CA8: variants seen among roughly 807,000 people sequenced by gnomAD.
The protein encoded by CA8 is carbonic anhydrase 8 (inactive), also known as carbonic anhydrase-related protein.
In CA8, 22 loss-of-function variants were observed where a neutral mutation model predicts 41.4. The observed-to-expected ratio is 0.53, with a 90% CI of 0.38 to 0.76. The LOEUF (loss-of-function observed/expected upper bound fraction) is 0.76. CA8 is among the 30% of genes least tolerant of loss of function. The pLI, the probability that CA8 is intolerant of heterozygous loss-of-function variation, is 0.00. For synonymous variants in CA8, 121 were observed against 130.6 expected (o/e 0.93, Z 0.50); for missense variants, 270 against 352.8 (o/e 0.77, Z 1.88).
chr8:60,192,073 C>G (rs1319952565), intron 8 of CA8, among the ~76,000 whole-genome samples: 1 of 152,044 alleles, frequency 6.6e-6, no homozygotes, highest in African/African-American at 2.4e-5. Flanking sequence ...TTGAGCTTTT[C>G]TTACTTATAT....
intron 3 of CA8, among the ~76,000 whole-genome samples, chr8:60,243,344 T>A (rs749534302): frequency 6.6e-6 from 1 of 151,646 alleles, no homozygotes; most frequent in Non-Finnish European, 1.5e-5. Flanking sequence ...GGGTCTTTCA[T>A]CCACCAGCTC....
chr8:60,207,376 A>G (rs924395962), intron 8 of CA8, among the ~76,000 whole-genome samples: 1 of 152,214 alleles, frequency 6.6e-6, no homozygotes, highest in African/African-American at 2.4e-5. Flanking sequence ...ATTTCAACCC[A>G]GACTTGTTTT....
At chr8:60,221,940 G>A (rs552897783) in intron 7 of CA8, among the ~76,000 whole-genome samples, 11 of 152,328 alleles carry the variant, frequency 7.2e-5, no homozygotes, top group Admixed American at 1.3e-4. Context: ...TTTTGAGGTT[G>A]ATCATGGAAG....
At position 60,187,386 on chromosome 8, in the gene CA8, A is replaced by C. The variant is rs535516242; in HGVS notation, c.*2635T>G. The C allele has an allele frequency of 6.6e-6, 1 of 152,150 alleles. No homozygotes were observed. Among genetic ancestry groups the C allele is most frequent in the South Asian group, 2.1e-4 (1 of 4,834 alleles). The allele number at this position is 152,150 out of a possible 1,614,324, so 9.4% of individuals were successfully genotyped here. Reference sequence around the variant, plus strand: ...TTTATTCAAAAAAGAATTCAAATCAATAACCTAACCTTCCACCTTAAAATA... The same window carrying C: ...TTTATTCAAAAAAGAATTCAAATCACTAACCTAACCTTCCACCTTAAAATA... On this transcript the variant is annotated 3_prime_UTR_variant, in exon 9 of 9. Coordinates refer to ENST00000317995, the MANE Select transcript of CA8 (RefSeq NM_004056.6).
intron 3 of CA8, among the ~76,000 whole-genome samples, chr8:60,256,064 T>A (rs6983830): frequency 2.0e-5 from 3 of 151,338 alleles, no homozygotes; most frequent in Non-Finnish European, 4.4e-5. Flanking sequence ...CGTGCCTATA[T>A]GCCCGGCTAA....
At chr8:60,277,423 G>A (rs902666383) in intron 2 of CA8, among the ~76,000 whole-genome samples, 5 of 151,716 alleles carry the variant, frequency 3.3e-5, no homozygotes, top group Admixed American at 6.6e-5. Flanking sequence ...GCGCAATCTC[G>A]GCTCACTGCA....
intron 3 of CA8, among the ~76,000 whole-genome samples, chr8:60,251,838 A>T (rs992390242): frequency 6.6e-6 from 1 of 152,204 alleles, no homozygotes; most frequent in South Asian, 2.1e-4. Context: ...CCTACAAAGA[A>T]GGCTCAAATT....
intron 2 of CA8, among the ~76,000 whole-genome samples, chr8:60,277,946 G>A (rs1290351317): frequency 6.6e-6 from 1 of 152,154 alleles, no homozygotes; most frequent in Non-Finnish European, 1.5e-5. Flanking sequence ...TGGATCATGA[G>A]TATCCAAATC....
chr8:60,257,825 TTGCATTCTA>T (rs1563374609), intron 3 of CA8, among the ~76,000 whole-genome samples: 1 of 152,228 alleles, frequency 6.6e-6, no homozygotes, highest in African/African-American at 2.4e-5. Context: ...AACAATGTAT[TTGCATTCTA>T]AGAAATGTCT....
intron 7 of CA8, among the ~76,000 whole-genome samples, chr8:60,221,584 G>A (rs1383360086): frequency 6.6e-6 from 1 of 152,122 alleles, no homozygotes; most frequent in African/African-American, 2.4e-5. Context: ...ATCATGTGGA[G>A]AACAGTCTCT....
At chr8:60,196,832 G>C (rs1411486916) in intron 8 of CA8, among the ~76,000 whole-genome samples, 3 of 152,112 alleles carry the variant, frequency 2.0e-5, no homozygotes, top group African/African-American at 7.2e-5. Context: ...TACTAGTAAA[G>C]AGGGTCTTGT....
rs1806023291 is a variant in CA8, at chr8:60,188,491, G to C, written c.*1530C>G. 1 of 152,188 alleles carries C rather than the reference G, an allele frequency of 6.6e-6. No individual in the cohort carries two copies. The highest frequency in any genetic ancestry group is 2.1e-4 in the South Asian group (1 of 4,834). The allele number at this position is 152,188 out of a possible 1,614,324, so 9.4% of individuals were successfully genotyped here. A position where few individuals can be genotyped will look rare whatever the true frequency, so the allele number is the denominator to read the frequency against. On this transcript the variant is annotated 3_prime_UTR_variant, in exon 9 of 9. Transcript: ENST00000317995. ...TTACAAATAAGGCTGCACGTGTGCA[G>C]CCAATGTTTGGCATGTGAGTGGTAA... is the stretch of plus-strand genomic sequence containing the variant.
At chr8:60,231,339 T>C (rs1807639809) in intron 4 of CA8, among the ~76,000 whole-genome samples, 1 of 152,126 alleles carries the variant, frequency 6.6e-6, no homozygotes, top group Non-Finnish European at 1.5e-5. Flanking sequence ...GATTTTAAAA[T>C]ATTAAGAGCC....
chr8:60,277,722 G>C (rs565599875), intron 2 of CA8, among the ~76,000 whole-genome samples: 24 of 152,300 alleles, frequency 1.6e-4, no homozygotes, highest in African/African-American at 5.8e-4. Context: ...GCGAATGACA[G>C]GGTATATAGA....
intron 8 of CA8, among the ~76,000 whole-genome samples, chr8:60,206,635 T>TC (rs1370367943): frequency 6.6e-6 from 1 of 150,434 alleles, no homozygotes; most frequent in East Asian, 1.9e-4. Flanking sequence ...CTCCTATCCA[T>TC]CTTCACTGCT....
chr8:60,211,538 G>C (rs1806836333), intron 7 of CA8, among the ~76,000 whole-genome samples: 1 of 152,160 alleles, frequency 6.6e-6, no homozygotes, highest in African/African-American at 2.4e-5. Flanking sequence ...TTTTAAAGCT[G>C]GGTTAATTTT....
chr8:60,190,957 T>TATACAC (rs1554573722), intron 8 of CA8, among the ~76,000 whole-genome samples: 1 of 104,246 alleles, frequency 9.6e-6, no homozygotes, highest in African/African-American at 3.4e-5. Flanking sequence ...TATATATATA[T>TATACAC]ACACACACAC....
intron 8 of CA8, among the ~76,000 whole-genome samples, chr8:60,202,107 G>A (rs991418792): frequency 6.6e-5 from 10 of 150,678 alleles, no homozygotes; most frequent in African/African-American, 2.4e-4. Flanking sequence ...GCAGTGGCAC[G>A]ATCTCGGATC....
At chr8:60,250,597 T>G (rs896394681) in intron 3 of CA8, among the ~76,000 whole-genome samples, 1 of 152,230 alleles carries the variant, frequency 6.6e-6, no homozygotes, top group Admixed American at 6.5e-5. Context: ...TTAGCCATGA[T>G]TTCCTAAAGG....
Sources: gnomAD v4.1 joint callset for allele counts (sites outside exome capture counted in the v4.1 genomes callset) on GRCh38, gnomAD v4.1.1 for gene constraint, MANE v1.5 for transcripts, NCBI Gene and HGNC (gene_info 2026-07-23, HGNC 2026-07-21) for gene names.